The following ASIC5 variants were observed in gnomAD, a reference collection of about 807,000 sequenced individuals.
ASIC5 encodes the protein bile acid-sensitive ion channel.
ASIC5 carries 52 observed loss-of-function variants against 51.2 expected under a neutral mutation model. The observed-to-expected ratio is 1.02, with a 90% CI of 0.81 to 1.28. The LOEUF (loss-of-function observed/expected upper bound fraction) is 1.28. Among genes scored for constraint, ASIC5 ranks in the 50% most tolerant of loss-of-function variants. ASIC5 has a pLI of 0.00. For synonymous variants in ASIC5, 231 were observed against 200.7 expected, an observed-to-expected ratio of 1.15 and a Z score of -1.28; for missense variants, 635 against 595.0, an observed-to-expected ratio of 1.07 and a Z score of -0.70.
intron 9 of ASIC5, among the ~76,000 whole-genome samples, chr4:155,830,474 TC>T (rs1174262605): frequency 4.6e-5 from 7 of 152,214 alleles, no homozygotes; most frequent in African/African-American, 9.6e-5. Context: ...AAACTGTATT[TC>T]TTTTTATGCA....
intron 2 of ASIC5, among the ~76,000 whole-genome samples, chr4:155,856,663 G>A (rs17379566): frequency 0.039 from 5,935 of 152,078 alleles, 153 homozygotes; most frequent in Middle Eastern, 0.072. Context: ...AAGGAATTAA[G>A]AGTTTACATC....
chr4:155,843,613 G>GAA (rs112871582), intron 5 of ASIC5, 68 bp downstream of exon 5: 2 of 1,525,700 alleles, frequency 1.3e-6, no homozygotes, highest in African/African-American at 2.8e-5. Context: ...AATTTCTAGT[G>GAA]AAAAGCATTA....
At chr4:155,832,154 G>T (rs1740885187) in intron 8 of ASIC5, among the ~76,000 whole-genome samples, 1 of 152,158 alleles carries the variant, frequency 6.6e-6, no homozygotes, top group Non-Finnish European at 1.5e-5. Context: ...ACTAGAAAAA[G>T]ACATTAAATG....
At chr4:155,845,070 G>T (rs1235639507) in intron 4 of ASIC5, among the ~76,000 whole-genome samples, 10 of 151,780 alleles carry the variant, frequency 6.6e-5, no homozygotes, top group Non-Finnish European at 1.2e-4. Context: ...GGCCTCTGAA[G>T]TGGAAAGAAA....
At chr4:155,843,521 T>C (rs1282678888) in intron 5 of ASIC5, among the ~76,000 whole-genome samples, 160 bp downstream of exon 5, 3 of 152,154 alleles carry the variant, frequency 2.0e-5, no homozygotes, top group Non-Finnish European at 4.4e-5. Flanking sequence ...TTTCCACTAA[T>C]CATGTACCTT....
At chr4:155,841,953 A>G (rs1368998691) in intron 6 of ASIC5, among the ~76,000 whole-genome samples, 1 of 152,206 alleles carries the variant, frequency 6.6e-6, no homozygotes, top group East Asian at 1.9e-4. Context: ...ATATAAACAT[A>G]AAATTCAAAG....
rs2111238066 is a variant in ASIC5, at chr4:155,842,194, A to G, written c.1009+13T>C. 1 of 1,612,230 alleles carries G rather than the reference A, an allele frequency of 6.2e-7. No individual in the cohort carries two copies. The highest frequency in any genetic ancestry group is 1.1e-5 in the South Asian group (1 of 90,898). ...TGTCTAGTTAAGTAAGGGGGCAGTT[A>G]GTCTTTATTTACCAGGAAGAAGAAA... On this transcript the variant is annotated intron_variant, in intron 6 of 9. Transcript: ENST00000537611.
At chr4:155,857,529 C>A (rs1741576019) in intron 2 of ASIC5, among the ~76,000 whole-genome samples, 1 of 151,970 alleles carries the variant, frequency 6.6e-6, no homozygotes, top group Non-Finnish European at 1.5e-5. Context: ...CTGGTAAGAG[C>A]CTAGTAGAAG....
At position 155,842,280 on chromosome 4, in the gene ASIC5, A is replaced by T; in HGVS notation, c.936T>A (p.Thr312=). 6.2e-7 allele frequency: 1 copy of T among 1,613,640 alleles called. No individual in the cohort carries two copies. Among genetic ancestry groups the T allele is most frequent in the Admixed American group, 1.7e-5 (1 of 59,956 alleles). The change falls in exon 6 of 10, where the codon ACT becomes ACA. Residue 312 remains threonine (T), a synonymous_variant. Coordinates refer to ENST00000537611, the MANE Select transcript of ASIC5 (RefSeq NM_017419.3). ...CTTTGCATTCCTTCAAGCAACCAGA[A>T]GTGCTGTAGCTGCTAAAATTCTGCA... is the stretch of plus-strand genomic sequence containing the variant. ...IKLQNFSSYS[T]SGCLKECKAQ...
intron 8 of ASIC5, among the ~76,000 whole-genome samples, chr4:155,836,086 C>T (rs1335765173): frequency 1.3e-5 from 2 of 152,032 alleles, no homozygotes; most frequent in African/African-American, 4.8e-5. Context: ...ATTTATGAAG[C>T]TTGATTTGTA....
intron 4 of ASIC5, among the ~76,000 whole-genome samples, chr4:155,849,469 G>A (rs959289350): frequency 1.3e-5 from 2 of 152,050 alleles, no homozygotes; most frequent in Non-Finnish European, 2.9e-5. Flanking sequence ...ATTTGGCAAA[G>A]TAAAATAAAG....
intron 2 of ASIC5, among the ~76,000 whole-genome samples, chr4:155,856,991 CCAT>C (rs764449292): frequency 9.0e-4 from 136 of 151,564 alleles, no homozygotes; most frequent in Non-Finnish European, 1.5e-3. Flanking sequence ...ATATTTGAGA[CCAT>C]GAGAGTAATT....
Position 155,866,231 on chromosome 4 carries a change from G to T in ASIC5, c.-5C>A. 6.2e-7 allele frequency: 1 copy of T among 1,607,434 alleles called. No individual in the cohort carries two copies. Among genetic ancestry groups the T allele is most frequent in the South Asian group, 1.1e-5 (1 of 90,516 alleles). On this transcript the variant is annotated 5_prime_UTR_variant, in exon 1 of 10. Coordinates refer to ENST00000537611, the MANE Select transcript of ASIC5 (RefSeq NM_017419.3). Reference sequence around the variant, plus strand: ...TGATTTTTCTGTCTGCTCCATTTGTGATTTCAGTTAAGCAAGAGTCCTCAG... The same window carrying T: ...TGATTTTTCTGTCTGCTCCATTTGTTATTTCAGTTAAGCAAGAGTCCTCAG...
intron 2 of ASIC5, among the ~76,000 whole-genome samples, chr4:155,860,604 T>A (rs531150553): frequency 6.6e-6 from 1 of 151,914 alleles, no homozygotes; most frequent in Non-Finnish European, 1.5e-5. Context: ...TAATTTTTTG[T>A]TCCCTAAGGA....
At position 155,852,318 on chromosome 4, in the gene ASIC5, T is replaced by A. The variant is rs1413159503; in HGVS notation, c.586-2A>T. ...TTCAGTGAAGACATGTGCAAAATCC[T>A]CCAATATGTAAATGAACCAAAAAAA... On this transcript the variant is annotated splice_acceptor_variant, in intron 3 of 9. Transcript: ENST00000537611. LOFTEE classifies it high-confidence loss of function. The A allele has an allele frequency of 6.3e-7, 1 of 1,581,904 alleles. No homozygotes were observed. Among genetic ancestry groups the A allele is most frequent in the Non-Finnish European group, 8.5e-7 (1 of 1,170,094 alleles).
chr4:155,854,123 C>T lies in ASIC5; in HGVS notation c.539G>A (p.Ser180Asn), dbSNP rs768759535. 7.4e-6 allele frequency: 12 copies of T among 1,613,296 alleles called. No individual in the cohort carries two copies. In the South Asian group the frequency reaches 1.1e-4, roughly 15 times the overall value. Residue 180 changes from serine to asparagine, a missense_variant, in exon 3 of 10, where the codon AGC (serine) becomes AAC (asparagine). By Grantham distance (46) the Ser-to-Asn change is conservative. Coordinates refer to ENST00000537611, the MANE Select transcript of ASIC5 (RefSeq NM_017419.3). ...AAAAAACTCACAGTCCAACAAAGTG[C>T]TATTGTTGAGATAAAAACCTTTGTT... ...IRNKGFYLNN[S>N]TLLDCEFFGK...
At chr4:155,842,402 T>G in intron 5 of ASIC5, 48 bp from the exon 6 acceptor site, 1 of 1,473,906 alleles carries the variant, frequency 6.8e-7, no homozygotes, top group East Asian at 2.3e-5. Context: ...TTACATCAAT[T>G]CACTTATTTT....
At chr4:155,830,110 G>T (rs1740842557) in intron 9 of ASIC5, 64 bp from the exon 10 acceptor site, 4 of 1,193,512 alleles carry the variant, frequency 3.4e-6, no homozygotes, top group Non-Finnish European at 4.6e-6. Flanking sequence ...ATTATTAGAA[G>T]TTAAATTAGT....
At chr4:155,858,518 G>A (rs963625101) in intron 2 of ASIC5, among the ~76,000 whole-genome samples, 3 of 152,084 alleles carry the variant, frequency 2.0e-5, no homozygotes, top group African/African-American at 7.2e-5. Context: ...TAAAGAAAAT[G>A]TCTGAGGGGA....
Sources: allele counts gnomAD v4.1 joint callset (sites outside exome capture counted in the v4.1 genomes callset), GRCh38; gene constraint gnomAD v4.1.1; transcripts MANE v1.5; gene names NCBI Gene and HGNC (gene_info 2026-07-23, HGNC 2026-07-21).